RPS6KC1: variants seen among roughly 807,000 people sequenced by gnomAD.
RPS6KC1 encodes ribosomal protein S6 kinase C1.
RPS6KC1 carries 54 observed loss-of-function variants against 103.8 expected under a neutral mutation model. The ratio of observed to expected loss-of-function variants is 0.52; its 90% CI spans 0.42 to 0.65. The LOEUF (loss-of-function observed/expected upper bound fraction) is 0.65, where lower values mean the gene tolerates loss of function less well. Ranked by LOEUF, RPS6KC1 falls within the 30% of genes least tolerant of loss-of-function variation. The pLI, the probability that RPS6KC1 is intolerant of heterozygous loss-of-function variation, is 0.00. For missense variants in RPS6KC1, 1,151 were observed against 1,253.8 expected (o/e 0.92, Z 1.24); for synonymous variants, 439 against 438.7 (o/e 1.00, Z -0.01).
At chr1:213,689,135 G>A in the RPS6KC1 span, among the ~76,000 whole-genome samples, 1 of 152,192 alleles carries the variant, frequency 6.6e-6, no homozygotes, top group Non-Finnish European at 1.5e-5. Context: ...GCAGTCAGAG[G>A]AGGGATCCCT....
chr1:213,855,056 T>C, the RPS6KC1 span, among the ~76,000 whole-genome samples: 1 of 152,244 alleles, frequency 6.6e-6, no homozygotes, highest in African/African-American at 2.4e-5. Context: ...GAGCAAGCTC[T>C]GGTGTGCCTT....
intron 6 of RPS6KC1, among the ~76,000 whole-genome samples, chr1:213,160,016 A>G (rs561974466): frequency 1.3e-5 from 2 of 152,308 alleles, no homozygotes; most frequent in African/African-American, 4.8e-5. Flanking sequence ...TTATTTTGTA[A>G]TTACTTGAGT....
intron 6 of RPS6KC1, among the ~76,000 whole-genome samples, chr1:213,151,945 C>A (rs1425625639): frequency 3.2e-5 from 4 of 125,450 alleles, no homozygotes; most frequent in South Asian, 2.6e-4. Context: ...CCCCACCTCC[C>A]TCCCGGATGG....
chr1:213,720,202 G>A, the RPS6KC1 span, among the ~76,000 whole-genome samples: 1 of 152,046 alleles, frequency 6.6e-6, no homozygotes, highest in Non-Finnish European at 1.5e-5. Flanking sequence ...TGTATGTGGT[G>A]AGAGACTACC....
At chr1:213,828,329 C>T in the RPS6KC1 span, among the ~76,000 whole-genome samples, 1 of 152,190 alleles carries the variant, frequency 6.6e-6, no homozygotes, top group Non-Finnish European at 1.5e-5. Context: ...CTGACACCCA[C>T]CGCAGGGCAT....
chr1:213,124,288 G>T (rs1027915813), intron 5 of RPS6KC1, among the ~76,000 whole-genome samples: 1 of 152,134 alleles, frequency 6.6e-6, no homozygotes, highest in Non-Finnish European at 1.5e-5. Flanking sequence ...TTACTCTTGC[G>T]ATGGCCCAGA....
chr1:213,822,900 TC>T, the RPS6KC1 span, among the ~76,000 whole-genome samples: 1 of 152,160 alleles, frequency 6.6e-6, no homozygotes, highest in African/African-American at 2.4e-5. Context: ...CCTTCTATAA[TC>T]TACTATCTTT....
At position 213,186,424 on chromosome 1, in the gene RPS6KC1, G is replaced by A. The variant is rs79748064; in HGVS notation, c.1044+9932G>A. On this transcript the variant is annotated intron_variant, in intron 8 of 14. Transcript: ENST00000366960. ...AAAATGTTGTTTCACTCTTGTCTGC[G>A]TGGTTTCTGTTGAGAAGTCTTGTCA... 9.2e-3 allele frequency among the ~76,000 whole-genome samples: 1,404 copies of A among 152,130 alleles called. 43 individuals are homozygous for A. The highest frequency in any genetic ancestry group is 0.071 in the East Asian group (366 of 5,162).
At chr1:213,102,888 G>A (rs1018089863) in intron 3 of RPS6KC1, among the ~76,000 whole-genome samples, 7 of 152,144 alleles carry the variant, frequency 4.6e-5, no homozygotes, top group African/African-American at 7.2e-5. Flanking sequence ...AAGAGGTTGT[G>A]TATGGATCCA....
intron 6 of RPS6KC1, among the ~76,000 whole-genome samples, chr1:213,136,484 A>T (rs2086279023): frequency 1.3e-5 from 2 of 152,068 alleles, no homozygotes; most frequent in Non-Finnish European, 2.9e-5. Flanking sequence ...ACACATTGAA[A>T]TGTTATCTTC....
the RPS6KC1 span, among the ~76,000 whole-genome samples, chr1:213,299,570 A>ATAT: frequency 6.6e-6 from 1 of 151,080 alleles, no homozygotes; most frequent in African/African-American, 2.4e-5. Context: ...AAAAAAAAAA[A>ATAT]ATATGTCGTG....
chr1:213,851,094 CCT>C, the RPS6KC1 span, among the ~76,000 whole-genome samples: 2 of 152,082 alleles, frequency 1.3e-5, no homozygotes, highest in Middle Eastern at 3.2e-3. Flanking sequence ...TCATCAACCC[CCT>C]CTTTCAGCAA....
the RPS6KC1 span, among the ~76,000 whole-genome samples, chr1:213,792,124 C>T: frequency 2.0e-5 from 3 of 152,254 alleles, no homozygotes; most frequent in South Asian, 2.1e-4. Flanking sequence ...CCTGCTCTAC[C>T]GCCCATGGTG....
At chr1:213,736,971 A>T in the RPS6KC1 span, among the ~76,000 whole-genome samples, 125 of 152,286 alleles carry the variant, frequency 8.2e-4, no homozygotes, top group African/African-American at 2.9e-3. Flanking sequence ...GGTGAAGGAG[A>T]TGGTGAGAGG....
chr1:213,342,974 G>A, the RPS6KC1 span, among the ~76,000 whole-genome samples: 144 of 152,062 alleles, frequency 9.5e-4, no homozygotes, highest in Non-Finnish European at 1.4e-3. Context: ...ATAGCGAAAC[G>A]CTGTCTCTAC....
chr1:213,124,500 C>T (rs528844587), intron 5 of RPS6KC1, among the ~76,000 whole-genome samples: 22 of 152,054 alleles, frequency 1.4e-4, no homozygotes, highest in Middle Eastern at 3.4e-3. Flanking sequence ...GTTTGCGTTT[C>T]GTATGATATT....
chr1:213,633,701 T>C, the RPS6KC1 span, among the ~76,000 whole-genome samples: 4 of 151,238 alleles, frequency 2.6e-5, no homozygotes, highest in Admixed American at 2.6e-4. Flanking sequence ...ATAACAATAT[T>C]AATCTTAAAT....
At chr1:213,412,212 A>C in the RPS6KC1 span, among the ~76,000 whole-genome samples, 1 of 152,212 alleles carries the variant, frequency 6.6e-6, no homozygotes, top group Non-Finnish European at 1.5e-5. Context: ...CCTATCTATC[A>C]GGAAAATCTT....
chr1:213,824,243 A>G, the RPS6KC1 span, among the ~76,000 whole-genome samples: 437 of 152,302 alleles, frequency 2.9e-3, 2 homozygotes, highest in Non-Finnish European at 4.5e-3. Context: ...TTTACCCTCT[A>G]AGGGTGCTCC....
Sources: allele counts gnomAD v4.1 joint callset (sites outside exome capture counted in the v4.1 genomes callset), GRCh38; gene constraint gnomAD v4.1.1; transcripts MANE v1.5; gene names NCBI Gene and HGNC (gene_info 2026-07-23, HGNC 2026-07-21).